DBT: variants seen among roughly 807,000 people sequenced by gnomAD.
DBT encodes dihydrolipoamide branched chain transacylase E2, also known as lipoamide acyltransferase component of branched-chain alpha-keto acid dehydrogenase complex, mitochondrial.
Under a neutral mutation model 51.3 loss-of-function variants are expected in DBT, and 40 were observed. The observed-to-expected ratio is 0.78, with a 90% CI of 0.61 to 1.02. The LOEUF (loss-of-function observed/expected upper bound fraction) is 1.02. DBT is among the 50% of genes least tolerant of loss of function. The probability of loss-of-function intolerance (pLI) is 0.00; values close to 1 mark genes in which losing one functional copy is unlikely to be tolerated. For synonymous variants in DBT, 181 were observed against 190.4 expected (o/e 0.95, Z 0.41); for missense variants, 510 against 580.2 (o/e 0.88, Z 1.24).
chr1:100,216,699 T>C (rs1173621317), intron 5 of DBT, among the ~76,000 whole-genome samples: 1 of 152,214 alleles, frequency 6.6e-6, no homozygotes, highest in African/African-American at 2.4e-5. Context: ...AGAAACTAAA[T>C]GCTATACCAA....
intron 8 of DBT, among the ~76,000 whole-genome samples, chr1:100,207,658 CA>C (rs1008869944): frequency 1.3e-5 from 2 of 151,902 alleles, no homozygotes; most frequent in Middle Eastern, 6.8e-3. Context: ...TCCATCTCTA[CA>C]AAAAAATTTT....
At chr1:100,217,484 A>T (rs1039229779) in intron 5 of DBT, among the ~76,000 whole-genome samples, 3 of 152,268 alleles carry the variant, frequency 2.0e-5, no homozygotes, top group Non-Finnish European at 4.4e-5. Flanking sequence ...TTTTGGCTAT[A>T]TAAAATACAA....
intron 4 of DBT, among the ~76,000 whole-genome samples, chr1:100,222,118 C>A (rs1020013854): frequency 6.6e-6 from 1 of 152,152 alleles, no homozygotes; most frequent in Non-Finnish European, 1.5e-5. Context: ...CGAATTCAAT[C>A]AATTTAATCT....
intron 10 of DBT, among the ~76,000 whole-genome samples, chr1:100,203,629 C>T (rs1439467215): frequency 6.6e-6 from 1 of 152,312 alleles, no homozygotes; most frequent in African/African-American, 2.4e-5. Flanking sequence ...ATACCAAAAC[C>T]TGGCAGAGAC....
intron 2 of DBT, among the ~76,000 whole-genome samples, chr1:100,236,132 G>C (rs1331651688): frequency 6.6e-6 from 1 of 151,210 alleles, no homozygotes; most frequent in African/African-American, 2.4e-5. Flanking sequence ...ATGTTCCCCA[G>C]GCTGGAATAC....
rs1331097665 is a variant in DBT at position 100,210,157 on chromosome 1, A to T, written c.1017+537T>A. On this transcript the variant is annotated intron_variant, in intron 8 of 10. Coordinates refer to ENST00000370132, the MANE Select transcript of DBT (RefSeq NM_001918.5). ...GAGACCACGTCTCTACAAAAAATTTAAAAATTAGTTGGGCATAGTGGCGCA... is the reference window on the plus strand; with the variant it reads ...GAGACCACGTCTCTACAAAAAATTTTAAAATTAGTTGGGCATAGTGGCGCA... Among the ~76,000 whole-genome samples the T allele has an allele frequency of 2.6e-5, 4 of 151,802 alleles. 1 individual carries two copies. Among genetic ancestry groups the T allele is most frequent in the Non-Finnish European group, 5.9e-5 (4 of 67,942 alleles).
chr1:100,216,031 A>C lies in DBT; in HGVS notation c.724T>G (p.Ser242Ala). The stretch of plus-strand genomic sequence containing the variant: ...TTGCCTGTGAATACCGGAGGTTTTG[A>C]TACTAGTATAGGAACAGTCATGTCT... ...PKDMTVPILV[S>A]KPPVFTGKDK... The change falls in exon 6 of 11, where the codon TCA (serine) becomes GCA (alanine). Residue 242 changes from serine to alanine, a missense_variant. Physicochemically the swap from Ser to Ala is moderately conservative, Grantham distance 99 (BLOSUM62 1). Transcript: ENST00000370132. 6.2e-7 allele frequency: 1 copy of C among 1,613,290 alleles called. No homozygotes were observed. Among genetic ancestry groups the C allele is most frequent in the Non-Finnish European group, 8.5e-7 (1 of 1,179,364 alleles).
In DBT at chr1:100,209,600, C is replaced by T. The variant is rs541825435; in HGVS notation, c.1017+1094G>A. On this transcript the variant is annotated intron_variant, in intron 8 of 10. Coordinates refer to ENST00000370132, the MANE Select transcript of DBT (RefSeq NM_001918.5). ...TTTTGAAATGGAGTTTTGCTCTTGT[C>T]GCCCACGCTGGAGTGCAGTGGCACA... Among the ~76,000 whole-genome samples, 4 of 151,756 alleles carry T rather than the reference C, an allele frequency of 2.6e-5. No homozygotes were observed. In the East Asian group the frequency reaches 7.8e-4, roughly 29 times the overall value.
chr1:100,234,388 C>A (rs1210146420), intron 3 of DBT, among the ~76,000 whole-genome samples: 1 of 151,442 alleles, frequency 6.6e-6, no homozygotes, highest in East Asian at 1.9e-4. Flanking sequence ...GTAATCCCAA[C>A]ACTTCGGAAG....
chr1:100,187,717 T>C lies in DBT; in HGVS notation c.*8538A>G, dbSNP rs1388370584. The C allele has an allele frequency of 6.6e-6, 1 of 151,326 alleles. No homozygotes were observed. Among genetic ancestry groups the C allele is most frequent in the Admixed American group, 6.6e-5 (1 of 15,196 alleles). The allele number at this position is 151,326 out of a possible 1,614,324, so 9.4% of individuals were successfully genotyped here. On this transcript the variant is annotated 3_prime_UTR_variant, in exon 11 of 11. Coordinates refer to ENST00000370132, the MANE Select transcript of DBT (RefSeq NM_001918.5). The stretch of plus-strand genomic sequence containing the variant: ...CTTTTTGTATTTTTTTTTTTTTTTT[T>C]GTAGAGACGAGGTTTTACCATGTTG...
In DBT at chr1:100,187,005, C is replaced by T. The variant is rs1032689099; in HGVS notation, c.*9250G>A. ...ACATTGGAAATGACTTTTAAATCTC[C>T]ATTTGAGAAAAAGCATGCCATGAGT... is the stretch of plus-strand genomic sequence containing the variant. On this transcript the variant is annotated 3_prime_UTR_variant, in exon 11 of 11. Transcript: ENST00000370132. The T allele has an allele frequency of 1.2e-4, 18 of 152,156 alleles. No homozygotes were observed. Among genetic ancestry groups the T allele is most frequent in the African/African-American group, 4.3e-4 (18 of 41,440 alleles). 9.4% of individuals were successfully genotyped at this position (152,156 alleles called of 1,614,324 possible).
At chr1:100,237,060 G>A (rs937061240) in intron 2 of DBT, among the ~76,000 whole-genome samples, 1 of 152,178 alleles carries the variant, frequency 6.6e-6, no homozygotes, top group Non-Finnish European at 1.5e-5. Context: ...TCTGTGCTGG[G>A]CTGTGACTTG....
At chr1:100,206,674 A>C (rs777274469) in intron 8 of DBT, 38 bp from the exon 9 acceptor site, 1 of 1,195,300 alleles carries the variant, frequency 8.4e-7, no homozygotes, top group South Asian at 1.2e-5. Context: ...GCTTTTAATG[A>C]ATAAGCTAAC....
At chr1:100,213,465 A>G in intron 7 of DBT, 1 of 1,555,732 alleles carries the variant, frequency 6.4e-7, no homozygotes, top group Admixed American at 1.7e-5. Context: ...AGGGTCTACA[A>G]CATCCACAGC....
At chr1:100,243,161 C>T (rs1031545935) in intron 1 of DBT, among the ~76,000 whole-genome samples, 1 of 148,114 alleles carries the variant, frequency 6.8e-6, no homozygotes, top group African/African-American at 2.5e-5. Flanking sequence ...ACTTGGGAGG[C>T]TGAGGCACAA....
At chr1:100,210,865 A>G in intron 7 of DBT, 94 bp from the exon 8 acceptor site, 1 of 1,580,792 alleles carries the variant, frequency 6.3e-7, no homozygotes. Context: ...AGGGAGAGAG[A>G]GAACTCTTAT....
chr1:100,221,426 C>T (rs57909153), intron 4 of DBT, among the ~76,000 whole-genome samples: 3,884 of 152,226 alleles, frequency 0.026, 175 homozygotes, highest in African/African-American at 0.088. Context: ...TTCAAGTGAT[C>T]TCCTGCCTTG....
chr1:100,189,856 A>G lies in DBT; in HGVS notation c.*6399T>C, dbSNP rs142783625. 1 of 152,326 alleles carries G rather than the reference A, an allele frequency of 6.6e-6. No homozygotes were observed. Among genetic ancestry groups the G allele is most frequent in the African/African-American group, 2.4e-5 (1 of 41,570 alleles). 9.4% of individuals were successfully genotyped at this position (152,326 alleles called of 1,614,324 possible). ...GTGTCTTATTAGTTAAGGCAGCACT[A>G]TCCAATAGAATTTTCTGTGATGATG... On this transcript the variant is annotated 3_prime_UTR_variant, in exon 11 of 11. Coordinates refer to ENST00000370132, the MANE Select transcript of DBT (RefSeq NM_001918.5).
intron 10 of DBT, among the ~76,000 whole-genome samples, chr1:100,201,375 A>G (rs375102473): frequency 6.6e-6 from 1 of 152,074 alleles, no homozygotes; most frequent in African/African-American, 2.4e-5. Context: ...GAAGGAAGGA[A>G]CAAAGCCTCA....
Sources: allele counts gnomAD v4.1 joint callset (sites outside exome capture counted in the v4.1 genomes callset), GRCh38; gene constraint gnomAD v4.1.1; transcripts MANE v1.5; gene names NCBI Gene and HGNC (gene_info 2026-07-23, HGNC 2026-07-21).